Variants in NME8 observed in about 807,000 individuals in gnomAD.
The protein encoded by NME8 is protein NME8.
In NME8, 72 loss-of-function variants were observed where a neutral mutation model predicts 82.3. The ratio of observed to expected loss-of-function variants is 0.87; its 90% CI spans 0.72 to 1.06. NME8 has a LOEUF of 1.06. NME8 is among the 50% of genes least tolerant of loss of function. NME8 has a pLI of 0.00. For missense variants in NME8, 712 were observed against 685.4 expected, an observed-to-expected ratio of 1.04 and a Z score of -0.43; for synonymous variants, 267 against 228.5, an observed-to-expected ratio of 1.17 and a Z score of -1.52.
chr7:37,892,206 A>C (rs1324186371), intron 15 of NME8, among the ~76,000 whole-genome samples: 1 of 151,952 alleles, frequency 6.6e-6, no homozygotes, highest in Non-Finnish European at 1.5e-5. Flanking sequence ...CATATGTCTG[A>C]GATTTGACCA....
intron 17 of NME8, among the ~76,000 whole-genome samples, chr7:37,897,820 C>G (rs571261741): frequency 6.6e-6 from 1 of 152,260 alleles, no homozygotes; most frequent in South Asian, 2.1e-4. Flanking sequence ...CCAGTTTCAT[C>G]TATGTCCCTG....
chr7:37,896,746 C>A, intron 16 of NME8, 124 bp from the exon 17 acceptor site: 1 of 805,242 alleles, frequency 1.2e-6, no homozygotes, highest in Non-Finnish European at 2.2e-6. Flanking sequence ...CATGATTGCA[C>A]TGATAAGGAC....
At chr7:37,886,615 C>A (rs989921053) in intron 14 of NME8, among the ~76,000 whole-genome samples, 1 of 152,092 alleles carries the variant, frequency 6.6e-6, no homozygotes, top group African/African-American at 2.4e-5. Context: ...CCTGTTACTC[C>A]CTCTATCCCA....
At chr7:37,849,856 T>G in intron 2 of NME8, among the ~76,000 whole-genome samples, 3 of 116,024 alleles carry the variant, frequency 2.6e-5, no homozygotes, top group Non-Finnish European at 3.4e-5. Flanking sequence ...GGCAACAGAG[T>G]GAGACTATGT....
intron 8 of NME8, 61 bp downstream of exon 8, chr7:37,863,523 A>T: frequency 5.6e-6 from 5 of 900,832 alleles, no homozygotes; most frequent in Non-Finnish European, 9.4e-6. Context: ...TCATCACAGC[A>T]TCACTTGTTT....
intron 11 of NME8, among the ~76,000 whole-genome samples, chr7:37,874,479 A>G (rs1201189767): frequency 6.6e-6 from 1 of 152,214 alleles, no homozygotes; most frequent in African/African-American, 2.4e-5. Context: ...TTTGGGACAT[A>G]CGCATCTGAC....
chr7:37,863,575 A>G (rs1372040979), intron 8 of NME8, 113 bp downstream of exon 8: 1 of 731,904 alleles, frequency 1.4e-6, no homozygotes, highest in Non-Finnish European at 2.5e-6. Context: ...TTAAGGAGGA[A>G]TTATTCAGAT....
intron 11 of NME8, among the ~76,000 whole-genome samples, chr7:37,876,229 T>TATATATATATAG (rs1044568242): frequency 2.7e-5 from 4 of 146,128 alleles, no homozygotes; most frequent in African/African-American, 1.0e-4. Context: ...TATATATATA[T>TATATATATATAG]ATAGATAGAT....
chr7:37,859,056 G>A (rs1304017071), intron 6 of NME8, among the ~76,000 whole-genome samples: 1 of 152,120 alleles, frequency 6.6e-6, no homozygotes, highest in East Asian at 1.9e-4. Flanking sequence ...AGAAGCAGAT[G>A]CTGGTGCCAT....
At position 37,860,844 on chromosome 7, in the gene NME8, C is replaced by T. The variant is rs2131946205; in HGVS notation, c.271-1184C>T. Among the ~76,000 whole-genome samples the T allele has an allele frequency of 2.6e-5, 4 of 152,252 alleles. 1 individual carries two copies. The Middle Eastern group carries it at 0.01, about 388-fold the overall frequency. On this transcript the variant is annotated intron_variant, in intron 6 of 17. Transcript: ENST00000199447. ...CCCCTTCTATTGTCTCTGAATTTGG[C>T]ATATAATATGATAACTTATAATTTA... is the stretch of plus-strand genomic sequence containing the variant.
intron 6 of NME8, among the ~76,000 whole-genome samples, chr7:37,857,736 G>A (rs1784533664): frequency 6.6e-6 from 1 of 152,202 alleles, no homozygotes. Flanking sequence ...TCAGTCTTTT[G>A]TAATACACAT....
intron 9 of NME8, 77 bp from the exon 10 acceptor site, chr7:37,865,448 A>T: frequency 1.0e-6 from 1 of 971,624 alleles, no homozygotes; most frequent in Non-Finnish European, 1.7e-6. Flanking sequence ...GTGGTTTGTT[A>T]AGCCCAAAAA....
intron 6 of NME8, among the ~76,000 whole-genome samples, chr7:37,861,595 T>C (rs1194539785): frequency 6.6e-6 from 1 of 152,192 alleles, no homozygotes; most frequent in African/African-American, 2.4e-5. Context: ...TTTTATACCA[T>C]TGTGCCTGGT....
At chr7:37,876,789 C>A in intron 11 of NME8, 43 bp from the exon 12 acceptor site, 1 of 1,380,618 alleles carries the variant, frequency 7.2e-7, no homozygotes, top group South Asian at 1.2e-5. Context: ...GGTTATAAAC[C>A]TCAGTTTATA....
intron 10 of NME8, among the ~76,000 whole-genome samples, chr7:37,867,284 G>A (rs1004241226): frequency 6.6e-6 from 1 of 150,836 alleles, no homozygotes; most frequent in Non-Finnish European, 1.5e-5. Flanking sequence ...TTATGAGGGA[G>A]GTATGTAGCT....
chr7:37,899,889 G>A lies in NME8; in HGVS notation c.*16-355G>A, dbSNP rs552038276. ...GCCTTTACACTCCAGCCTGTCCATCGTGTTCAGAAGGAGCTGCACAATCTG... is the reference window on the plus strand; with the variant it reads ...GCCTTTACACTCCAGCCTGTCCATCATGTTCAGAAGGAGCTGCACAATCTG... On this transcript the variant is annotated intron_variant, in intron 17 of 17. Transcript: ENST00000199447. Among the ~76,000 whole-genome samples, 60 of 152,150 alleles carry A rather than the reference G, an allele frequency of 3.9e-4. No homozygotes were observed. In the South Asian group the frequency reaches 4.0e-3, roughly 10 times the overall value.
intron 11 of NME8, 66 bp downstream of exon 11, chr7:37,867,964 G>GTACTGAGGTGCCTA: frequency 1.5e-6 from 2 of 1,365,432 alleles, no homozygotes; most frequent in Non-Finnish European, 2.1e-6. Context: ...CGTAGTGTAG[G>GTACTGAGGTGCCTA]CACCTCAGTA....
rs529760305 is a variant in NME8 at position 37,849,362 on chromosome 7, G to C, written c.-8+306G>C. Among the ~76,000 whole-genome samples, 6 of 152,238 alleles carry C rather than the reference G, an allele frequency of 3.9e-5. No homozygotes were observed. The East Asian group carries it at 1.2e-3, about 29-fold the overall frequency. Reference sequence around the variant, plus strand: ...TAGGAAACACTTTCTAATATTTCAGGAAAACAAAACCTTTAAAAAAACCAG... The same window carrying C: ...TAGGAAACACTTTCTAATATTTCAGCAAAACAAAACCTTTAAAAAAACCAG... On this transcript the variant is annotated intron_variant, in intron 2 of 17. Coordinates refer to ENST00000199447, the MANE Select transcript of NME8 (RefSeq NM_016616.5).
intron 11 of NME8, among the ~76,000 whole-genome samples, chr7:37,870,267 A>C (rs1342664115): frequency 8.6e-5 from 13 of 151,646 alleles, no homozygotes; most frequent in Admixed American, 8.5e-4. Context: ...AAGAACTCGC[A>C]AAAAATATAT....
Sources: allele counts gnomAD v4.1 joint callset (sites outside exome capture counted in the v4.1 genomes callset), GRCh38; gene constraint gnomAD v4.1.1; transcripts MANE v1.5; gene names NCBI Gene and HGNC (gene_info 2026-07-23, HGNC 2026-07-21).